The following PRRT4 variants were observed in gnomAD, a reference collection of about 807,000 sequenced individuals.
PRRT4 encodes proline-rich transmembrane protein 4.
A neutral mutation model predicts 55.6 loss-of-function variants in PRRT4; 59 were observed. That is an observed-to-expected ratio of 1.06 (90% confidence interval 0.86 to 1.32). The LOEUF is 1.32. Among genes scored for constraint, PRRT4 ranks in the 40% most tolerant of loss-of-function variants. The pLI, the probability that PRRT4 is intolerant of heterozygous loss-of-function variation, is 0.00. For synonymous variants in PRRT4, 606 were observed against 601.8 expected, an observed-to-expected ratio of 1.01 and a Z score of -0.10; for missense variants, 1,217 against 1,222.0, an observed-to-expected ratio of 1.00 and a Z score of 0.06.
exon 5 of PRRT4, chr7:128,352,177 G>T: frequency 1.4e-6 from 2 of 1,408,172 alleles, no homozygotes; most frequent in Non-Finnish European, 1.8e-6. Context: ...GCACCGCGGC[G>T]GGCGCGGCCG....
At chr7:128,357,575 T>C (rs1196739764) in intron 4 of PRRT4, among the ~76,000 whole-genome samples, 2 of 152,072 alleles carry the variant, frequency 1.3e-5, no homozygotes, top group African/African-American at 4.8e-5. Context: ...GACAGAGGCA[T>C]AGCAGGCCCC....
chr7:128,352,756 CCAGT>C (rs1167775313), intron 4 of PRRT4, 78 bp from the exon 6 acceptor site: 1 of 1,321,670 alleles, frequency 7.6e-7, no homozygotes, highest in African/African-American at 1.5e-5. Context: ...AGCCTGAATG[CCAGT>C]CAGAGTCCCC....
In PRRT4 at chr7:128,359,203, G is replaced by A. The variant is rs181460398; in HGVS notation, c.703C>T (p.Pro235Ser). Residue 235 changes from proline (P) to serine (S), a missense_variant, in exon 3 of 5, where the codon CCC becomes TCC. Physicochemically the swap from Pro to Ser is moderately conservative, Grantham distance 74. This residue lies in a region of PRRT4 where 564 missense variants were observed against 592.9 expected (regional missense o/e 0.95). Coordinates refer to ENST00000535159, the Ensembl canonical transcript of PRRT4. The stretch of plus-strand genomic sequence containing the variant: ...CTTGTGGATGTAGTTTCACCTGGGG[G>A]GCTCAGGCCGGAGAAGTTCCGGAGT... 11 of 1,551,774 alleles carry A rather than the reference G, an allele frequency of 7.1e-6. No individual in the cohort carries two copies. In the East Asian group the frequency reaches 1.2e-4, roughly 17 times the overall value.
In PRRT4 at chr7:128,358,177, C is replaced by T. The variant is rs1436175286; in HGVS notation, c.877+504G>A. Among the ~76,000 whole-genome samples the T allele has an allele frequency of 6.6e-6, 1 of 152,178 alleles. No homozygotes were observed. Among genetic ancestry groups the T allele is most frequent in the Admixed American group, 6.5e-5 (1 of 15,278 alleles). On this transcript the variant is annotated intron_variant, in intron 4 of 4. Transcript: ENST00000535159. The surrounding 1 kb of genome is among the most constrained non-coding windows in gnomAD (Gnocchi z 4.4). ...TCTTTCCTCGTACCACCAGCTTGTC[C>T]GTGTGCATGTTCTGAAAGGCTTTCT...
chr7:128,353,039 C>T (rs1336122461), intron 4 of PRRT4, among the ~76,000 whole-genome samples: 1 of 152,068 alleles, frequency 6.6e-6, no homozygotes, highest in Non-Finnish European at 1.5e-5. Context: ...GTTCAATCCC[C>T]CCACCAGAAA....
In PRRT4 at chr7:128,352,043, GA is replaced by G; in HGVS notation, c.1512del (p.Leu505SerfsTer66). The G allele has an allele frequency of 2.3e-6, 3 of 1,292,908 alleles. No individual in the cohort carries two copies. Among genetic ancestry groups the G allele is most frequent in the South Asian group, 4.1e-5 (2 of 48,514 alleles). The allele number at this position is 1,292,908 out of a possible 1,614,324, so 80.1% of individuals were successfully genotyped here. A position where few individuals can be genotyped will look rare whatever the true frequency, so the allele number is the denominator to read the frequency against. On this transcript the variant is annotated frameshift_variant, in exon 5 of 5. Coordinates refer to ENST00000535159, the Ensembl canonical transcript of PRRT4. LOFTEE classifies it high-confidence loss of function. ...AGCAGCCCGGAAAGGAAAGCGGCGA[GA>G]AAGGCGTGCAGCCCGCGCGAGGCGA...
At chr7:128,357,412 C>A (rs967219044) in intron 4 of PRRT4, among the ~76,000 whole-genome samples, 43 of 152,252 alleles carry the variant, frequency 2.8e-4, no homozygotes, top group African/African-American at 9.9e-4. Context: ...GCCTGCCCGG[C>A]TGCACTGCCT....
At chr7:128,357,209 T>TACAC (rs763703914) in intron 4 of PRRT4, among the ~76,000 whole-genome samples, 3,510 of 127,074 alleles carry the variant, frequency 0.028, 58 homozygotes, top group Middle Eastern at 0.036. Flanking sequence ...TTGATACAAA[T>TACAC]ACACACACAC....
chr7:128,352,829 C>T (rs1231409059), intron 4 of PRRT4, among the ~76,000 whole-genome samples, 151 bp from the exon 6 acceptor site: 1 of 152,136 alleles, frequency 6.6e-6, no homozygotes, highest in Admixed American at 6.5e-5. Context: ...CTTGGCCTCT[C>T]ACCTTTCCCT....
intron 4 of PRRT4, among the ~76,000 whole-genome samples, chr7:128,355,224 G>A (rs913993782): frequency 1.3e-5 from 2 of 152,148 alleles, no homozygotes; most frequent in African/African-American, 4.8e-5. Flanking sequence ...TTGAGACAGA[G>A]TCTCACTTCA....
exon 5 of PRRT4, chr7:128,352,385 G>A: frequency 6.6e-7 from 1 of 1,524,172 alleles, no homozygotes; most frequent in Non-Finnish European, 8.8e-7. Context: ...GGCGGGCACC[G>A]CCAGGGCAAG....
At chr7:128,361,583 G>GCTCCGCA (rs1255434799) in exon 1 of PRRT4, 8 of 152,130 alleles carry the variant, frequency 5.3e-5, no homozygotes, top group African/African-American at 1.9e-4. Context: ...CAGGCCCCGC[G>GCTCCGCA]CTCCGCACTC....
chr7:128,358,370 G>C lies in PRRT4; in HGVS notation c.877+311C>G, dbSNP rs1232532326. Among the ~76,000 whole-genome samples, 1 of 152,146 alleles carries C rather than the reference G, an allele frequency of 6.6e-6. No homozygotes were observed. ...TCAGGCAGACTGGAGTGGAGGGTGGGGTTAGTGCCAGGGCTGTGGAAATCA... is the reference window on the plus strand; with the variant it reads ...TCAGGCAGACTGGAGTGGAGGGTGGCGTTAGTGCCAGGGCTGTGGAAATCA... On this transcript the variant is annotated intron_variant, in intron 4 of 4. Transcript: ENST00000535159. The surrounding 1 kb of genome is among the most constrained non-coding windows in gnomAD (Gnocchi z 4.4).
chr7:128,351,554 C>A, exon 5 of PRRT4: 1 of 1,485,682 alleles, frequency 6.7e-7, no homozygotes, highest in Non-Finnish European at 8.9e-7. Context: ...TCCCCGCGAG[C>A]GATGGCGCTC....
At chr7:128,352,130 C>T in exon 5 of PRRT4, 4 of 1,233,072 alleles carry the variant, frequency 3.2e-6, no homozygotes, top group Non-Finnish European at 4.0e-6. Context: ...GCCGCCAGCC[C>T]CAGCCCCAGG....
exon 5 of PRRT4, chr7:128,351,793 T>G: frequency 7.0e-7 from 1 of 1,421,642 alleles, no homozygotes; most frequent in Non-Finnish European, 9.1e-7. Flanking sequence ...CAGGCCGGAT[T>G]GGCCGCCGTA....
chr7:128,350,838 A>G, downstream of PRRT4: 1 of 1,549,336 alleles, frequency 6.5e-7, no homozygotes, highest in Non-Finnish European at 8.7e-7. Flanking sequence ...ATCGCAGGGT[A>G]GCAAGGTGGC....
rs766107915 is a variant in PRRT4 at position 128,359,355 on chromosome 7, G to A, written c.637C>T (p.Arg213Cys). Residue 213 changes from arginine (R) to cysteine (C), a missense_variant, in exon 2 of 5, where the codon CGC (arginine) becomes TGC (cysteine). Around this residue, in one of 3 missense-constraint regions of PRRT4, gnomAD observed 564 missense variants for 592.9 expected, o/e 0.95. Transcript: ENST00000535159. ...GGTTACTCACCAAAGGGTCCCAGGC[G>A]CCCAGCAATCTCTGCCAGGCTGGCC... is the stretch of plus-strand genomic sequence containing the variant. 1.9e-5 allele frequency: 28 copies of A among 1,475,500 alleles called. No individual in the cohort carries two copies. The highest frequency in any genetic ancestry group is 1.8e-4 in the Middle Eastern group (1 of 5,610). The allele number at this position is 1,475,500 out of a possible 1,614,324, so 91.4% of individuals were successfully genotyped here.
Position 128,351,895 on chromosome 7 carries a change from C to T in PRRT4, c.1661G>A (p.Trp554Ter). 1 of 1,325,680 alleles carries T rather than the reference C, an allele frequency of 7.5e-7. No homozygotes were observed. The allele number at this position is 1,325,680 out of a possible 1,614,324, so 82.1% of individuals were successfully genotyped here. Residue 554 changes from tryptophan (W) to a stop codon, truncating the protein, a stop_gained, in exon 5 of 5, where the codon TGG becomes TAG. Coordinates refer to ENST00000535159, the Ensembl canonical transcript of PRRT4. LOFTEE classifies it high-confidence loss of function. The stretch of plus-strand genomic sequence containing the variant: ...CGGGGCCGTGCGCGCCGCGCGCCGC[C>T]AGGACTCCCGAGGGGCGAAGGGGCT...
Sources: gnomAD v4.1 joint callset for allele counts (sites outside exome capture counted in the v4.1 genomes callset) on GRCh38, gnomAD v4.1.1 for gene constraint, gnomAD v4.1.1 regional missense constraint, Gnocchi (gnomAD v3.1) non-coding constraint, MANE v1.5 for transcripts, NCBI Gene and HGNC (gene_info 2026-07-23, HGNC 2026-07-21) for gene names.